Variants in KLHL24 observed in about 807,000 individuals in gnomAD.
The protein encoded by KLHL24 is kelch like family member 24.
Under a neutral mutation model 53.4 loss-of-function variants are expected in KLHL24, and 29 were observed. That is an observed-to-expected ratio of 0.54 (90% CI 0.40 to 0.74). KLHL24 has a LOEUF of 0.74. KLHL24 is among the 30% of genes least tolerant of loss of function. The pLI is 0.00. For synonymous variants in KLHL24, 222 were observed against 253.7 expected (o/e 0.88, Z 1.19); for missense variants, 504 against 744.0 (o/e 0.68, Z 3.75).
At chr3:183,658,789 A>G (rs1360138527) in intron 3 of KLHL24, among the ~76,000 whole-genome samples, 4 of 150,560 alleles carry the variant, frequency 2.7e-5, no homozygotes. Context: ...ATTTTCATTT[A>G]CATTTCCTTC....
intron 1 of KLHL24, among the ~76,000 whole-genome samples, chr3:183,637,760 T>A (rs557782334): frequency 3.9e-5 from 6 of 152,222 alleles, no homozygotes; most frequent in African/African-American, 1.4e-4. Context: ...CCGAGTTCAA[T>A]CGATTCTCCT....
chr3:183,674,826 C>T (rs1369756293), intron 7 of KLHL24, among the ~76,000 whole-genome samples: 1 of 152,178 alleles, frequency 6.6e-6, no homozygotes, highest in African/African-American at 2.4e-5. Flanking sequence ...AAGTATCTGT[C>T]ATTTGTAGTC....
chr3:183,644,034 C>CA (rs1716863776), intron 2 of KLHL24: 1 of 76,080 alleles, frequency 1.3e-5, no homozygotes, highest in Non-Finnish European at 2.3e-5. Context: ...TTTTTCTTTC[C>CA]TTTTTTTTTT....
intron 3 of KLHL24, among the ~76,000 whole-genome samples, chr3:183,656,496 C>A (rs1262338480): frequency 6.6e-6 from 1 of 152,162 alleles, no homozygotes; most frequent in Non-Finnish European, 1.5e-5. Flanking sequence ...CATGTTTGGG[C>A]TCAGAAATAC....
chr3:183,668,629 G>A (rs1320053538), intron 5 of KLHL24, among the ~76,000 whole-genome samples: 2 of 152,160 alleles, frequency 1.3e-5, no homozygotes, highest in Non-Finnish European at 2.9e-5. Context: ...AAAAATTACC[G>A]GGTGCGGTGG....
At position 183,650,456 on chromosome 3, in the gene KLHL24, C is replaced by T. The variant is rs1188848154; in HGVS notation, c.100C>T (p.Leu34=). The stretch of plus-strand genomic sequence containing the variant: ...AGTTTTTGAAATGGACCCCAAATCT[C>T]TGACAGGTCATGAGTTTTTTGACTT... ...RKVFEMDPKS[L]TGHEFFDFSS... Residue 34 remains leucine (L), a synonymous_variant, in exon 3 of 8, where the codon CTG becomes TTG. Coordinates refer to ENST00000242810, the MANE Select transcript of KLHL24 (RefSeq NM_017644.3). This position sits in a 1 kb window ranked among gnomAD's most constrained non-coding sequence, Gnocchi z 4.5. The T allele has an allele frequency of 6.2e-7, 1 of 1,614,124 alleles. No homozygotes were observed. The highest frequency in any genetic ancestry group is 8.5e-7 in the Non-Finnish European group (1 of 1,179,986).
chr3:183,647,955 G>A (rs1157928982), intron 2 of KLHL24, among the ~76,000 whole-genome samples: 1 of 152,100 alleles, frequency 6.6e-6, no homozygotes, highest in Admixed American at 6.5e-5. Flanking sequence ...GCAGTGAGCC[G>A]AGGTCATGGC....
intron 7 of KLHL24, among the ~76,000 whole-genome samples, chr3:183,676,961 T>G (rs1342648330): frequency 6.6e-6 from 1 of 151,730 alleles, no homozygotes; most frequent in Non-Finnish European, 1.5e-5. Flanking sequence ...TTTCAGTCTT[T>G]AAAAATAACA....
At chr3:183,666,415 A>C (rs1324815242) in intron 5 of KLHL24, among the ~76,000 whole-genome samples, 1 of 152,040 alleles carries the variant, frequency 6.6e-6, no homozygotes, top group Non-Finnish European at 1.5e-5. Flanking sequence ...GGTGTACACC[A>C]CAATGCCTAG....
rs1019059502 is a variant in KLHL24, at chr3:183,663,599, A to G, written c.1062A>G (p.Ser354=). The G allele has an allele frequency of 5.0e-6, 8 of 1,604,760 alleles. No homozygotes were observed. In the African/African-American group the frequency reaches 6.7e-5, roughly 13 times the overall value. The change falls in exon 4 of 8, where the codon TCA becomes TCG. Residue 354 remains serine, a synonymous_variant. Transcript: ENST00000242810. This position sits in a 1 kb window ranked among gnomAD's most constrained non-coding sequence, Gnocchi z 4.9. ...SLAKLPEFTK[S]EYAVCALRND... ...CTAAGCTTCCAGAATTTACCAAATC[A>G]GAGTATGCAGTCTGTGCTCTAAGGA...
At chr3:183,666,188 A>G (rs1007645991) in intron 5 of KLHL24, among the ~76,000 whole-genome samples, 10 of 152,238 alleles carry the variant, frequency 6.6e-5, no homozygotes, top group African/African-American at 2.4e-4. Context: ...GCCAGTTTCC[A>G]AACTTTTTAA....
chr3:183,639,419 A>G (rs1231586976), intron 1 of KLHL24, among the ~76,000 whole-genome samples: 2 of 151,958 alleles, frequency 1.3e-5, no homozygotes, highest in African/African-American at 4.8e-5. Context: ...TCACAAGGTC[A>G]GGAGATCAAG....
chr3:183,664,933 A>G lies in KLHL24; in HGVS notation c.1118A>G (p.Asn373Ser). ...NDILVSGGRI[N>S]SRDVWIYNSQ... ...TTTGCATTTCAAGGTGGAAGAATCAACAGCCGTGATGTCTGGATTTATAAC... is the reference window on the plus strand; with the variant it reads ...TTTGCATTTCAAGGTGGAAGAATCAGCAGCCGTGATGTCTGGATTTATAAC... The change falls in exon 5 of 8, where the codon AAC (asparagine) becomes AGC (serine). Residue 373 changes from asparagine to serine, a missense_variant. Transcript: ENST00000242810. 6.2e-7 allele frequency: 1 copy of G among 1,603,400 alleles called. No individual in the cohort carries two copies. The highest frequency in any genetic ancestry group is 2.2e-5 in the East Asian group (1 of 44,756).
intron 3 of KLHL24, among the ~76,000 whole-genome samples, chr3:183,662,302 AAAGAGAC>A (rs1397522388): frequency 1.3e-5 from 2 of 152,164 alleles, no homozygotes; most frequent in Non-Finnish European, 2.9e-5. Context: ...AGCTCTGTTA[AAAGAGAC>A]ACGCCAATAT....
chr3:183,664,626 GTCTTAC>G (rs927266406), intron 4 of KLHL24, among the ~76,000 whole-genome samples: 6 of 150,590 alleles, frequency 4.0e-5, no homozygotes, highest in African/African-American at 1.5e-4. Context: ...TGCTTCTGAT[GTCTTAC>G]TCTTAAATTA....
chr3:183,671,277 C>A, intron 6 of KLHL24, 55 bp downstream of exon 6: 1 of 1,498,262 alleles, frequency 6.7e-7, no homozygotes. Flanking sequence ...AAGGGAAATA[C>A]AGAAGGCTTA....
rs1200370354 is a variant in KLHL24, at chr3:183,679,569, ATGTC to A, written c.*290_*293del. ...GTAAGAAGTCTATGTGAATTAGGAA[ATGTC>A]TGTCTGCATACCTTTTAGGAGCGTG... On this transcript the variant is annotated 3_prime_UTR_variant, in exon 8 of 8. Transcript: ENST00000242810. 1 of 345,914 alleles carries A rather than the reference ATGTC, an allele frequency of 2.9e-6. No homozygotes were observed. Among genetic ancestry groups the A allele is most frequent in the African/African-American group, 2.1e-5 (1 of 47,392 alleles). The allele number at this position is 345,914 out of a possible 1,614,324, so 21.4% of individuals were successfully genotyped here.
intron 1 of KLHL24, 160 bp from the exon 2 acceptor site, chr3:183,643,320 T>G (rs1444408179): frequency 6.6e-6 from 1 of 152,232 alleles, no homozygotes; most frequent in Non-Finnish European, 1.5e-5. Flanking sequence ...TAATTTACTT[T>G]AAGGAGATGT....
intron 1 of KLHL24, among the ~76,000 whole-genome samples, chr3:183,639,647 AAAAAAAT>A (rs1488851939): frequency 6.7e-5 from 10 of 148,522 alleles, no homozygotes; most frequent in African/African-American, 2.3e-4. Flanking sequence ...AAAAAAAAAA[AAAAAAAT>A]CTCAAATTTG....
Sources: allele counts gnomAD v4.1 joint callset (sites outside exome capture counted in the v4.1 genomes callset), GRCh38; gene constraint gnomAD v4.1.1; non-coding constraint Gnocchi (gnomAD v3.1); transcripts MANE v1.5; gene names NCBI Gene and HGNC (gene_info 2026-07-23, HGNC 2026-07-21).